The following DCAF4 variants were observed in gnomAD, a reference collection of about 807,000 sequenced individuals.
DCAF4 encodes DDB1- and CUL4-associated factor 4.
DCAF4 carries 37 observed loss-of-function variants against 60.9 expected under a neutral mutation model. The observed-to-expected ratio is 0.61, with a 90% CI of 0.47 to 0.80. DCAF4 has a LOEUF of 0.80. DCAF4 is among the 30% of genes least tolerant of loss of function. The pLI, the probability that DCAF4 is intolerant of heterozygous loss-of-function variation, is 0.00. For synonymous variants in DCAF4, 243 were observed against 254.8 expected (o/e 0.95, Z 0.44); for missense variants, 577 against 650.0 (o/e 0.89, Z 1.22).
chr14:72,940,258 T>C lies in DCAF4; in HGVS notation c.232T>C (p.Tyr78His). The C allele has an allele frequency of 1.9e-6, 3 of 1,614,100 alleles. No individual in the cohort carries two copies. Among genetic ancestry groups the C allele is most frequent in the Non-Finnish European group, 2.5e-6 (3 of 1,180,016 alleles). Residue 78 changes from tyrosine to histidine, a missense_variant, in exon 4 of 14, where the codon TAC becomes CAC. Transcript: ENST00000358377. ...TTACTTTGACCCTGAAAAGAAACGCTACTTCCGCTTGCTCCCTGGACATAA... is the reference window on the plus strand; with the variant it reads ...TTACTTTGACCCTGAAAAGAAACGCCACTTCCGCTTGCTCCCTGGACATAA... ...GFYFDPEKKR[Y>H]FRLLPGHNNC...
chr14:72,960,506 C>A (rs77972595), downstream of DCAF4: 1,816 of 504,706 alleles, frequency 3.6e-3, 26 homozygotes, highest in African/African-American at 0.035. Flanking sequence ...CTGACCTCTT[C>A]CTTCTCCCAC....
intron 1 of DCAF4, chr14:72,929,964 G>T: frequency 1.3e-6 from 1 of 775,940 alleles, no homozygotes; most frequent in Non-Finnish European, 2.1e-6. Flanking sequence ...GTGGCGGAAG[G>T]CCAAAAATAT....
At chr14:72,953,905 A>G (rs1891920763) in intron 9 of DCAF4, among the ~76,000 whole-genome samples, 1 of 149,546 alleles carries the variant, frequency 6.7e-6, no homozygotes, top group Non-Finnish European at 1.5e-5. Flanking sequence ...CTCCAACAGT[A>G]TACTACCTCC....
At chr14:72,960,581 C>T, downstream of DCAF4, 1 of 1,051,510 alleles carries the variant, frequency 9.5e-7, no homozygotes, top group Non-Finnish European at 1.2e-6. Context: ...CTTCTGTATT[C>T]TCTTTCCCAC....
In DCAF4 at chr14:72,944,069, G is replaced by A. The variant is rs563567192; in HGVS notation, c.534+973G>A. Among the ~76,000 whole-genome samples the A allele has an allele frequency of 2.0e-5, 3 of 152,276 alleles. No homozygotes were observed. The South Asian group carries it at 6.2e-4, about 32-fold the overall frequency. On this transcript the variant is annotated intron_variant, in intron 6 of 13. Coordinates refer to ENST00000358377, the MANE Select transcript of DCAF4 (RefSeq NM_015604.4). ...TCCCCTCAGCAGCCCCTTCCCTGGG[G>A]TAAAGTGGGTGGGGACGGTGGGGGT...
At chr14:72,953,732 A>AAAAAAATATATATATATATATAT (rs1555527852) in intron 9 of DCAF4, among the ~76,000 whole-genome samples, 3 of 21,766 alleles carry the variant, frequency 1.4e-4, no homozygotes, top group Non-Finnish European at 2.2e-4. Flanking sequence ...AAAAAAAAAA[A>AAAAAAATATATATATATATATAT]ATATATATAT....
intron 9 of DCAF4, among the ~76,000 whole-genome samples, chr14:72,953,724 A>ATATATAT (rs1291044005): frequency 4.0e-5 from 2 of 50,144 alleles, no homozygotes; most frequent in Non-Finnish European, 6.7e-5. Flanking sequence ...AAAAAAAAAA[A>ATATATAT]AAAAAAAAAT....
chr14:72,945,067 C>T (rs1293512683), intron 6 of DCAF4, among the ~76,000 whole-genome samples: 6 of 151,240 alleles, frequency 4.0e-5, no homozygotes, highest in Non-Finnish European at 8.8e-5. Flanking sequence ...TCAGCCTGGG[C>T]GACAGAGTAA....
At chr14:72,960,578 A>G (rs1892781645), downstream of DCAF4, 2 of 1,050,264 alleles carry the variant, frequency 1.9e-6, no homozygotes, top group Non-Finnish European at 2.3e-6. Context: ...AGTCTTCTGT[A>G]TTCTCTTTCC....
Position 72,926,560 on chromosome 14 carries a change from T to TG in DCAF4, c.-9+21dup, listed in dbSNP as rs1290851194. ...GCTGAACAGGTAAGACTGTGCTGCC[T>TG]GGGGTGCCTACTGGCATCGATTCGA... On this transcript the variant is annotated intron_variant, in intron 1 of 13. Transcript: ENST00000358377. 2.0e-5 allele frequency: 3 copies of TG among 151,090 alleles called. No individual in the cohort carries two copies. In the East Asian group the frequency reaches 5.9e-4, roughly 30 times the overall value. 9.4% of individuals were successfully genotyped at this position (151,090 alleles called of 1,614,324 possible).
At chr14:72,942,697 C>T (rs1389322744) in intron 5 of DCAF4, 1 of 314,846 alleles carries the variant, frequency 3.2e-6, no homozygotes, top group African/African-American at 2.1e-5. Context: ...CCCGCACTTT[C>T]GTCATCTCAG....
chr14:72,956,548 T>G, intron 13 of DCAF4, 48 bp downstream of exon 13: 2 of 1,539,832 alleles, frequency 1.3e-6, no homozygotes, highest in Non-Finnish European at 1.8e-6. Context: ...ATACTGTCTC[T>G]CAGGGGCGAT....
At chr14:72,929,182 G>C (rs1156902001) in intron 1 of DCAF4, among the ~76,000 whole-genome samples, 1 of 152,170 alleles carries the variant, frequency 6.6e-6, no homozygotes, top group Non-Finnish European at 1.5e-5. Context: ...GCCTGGAATG[G>C]TGCCCTGGAA....
chr14:72,940,970 T>TG (rs894921072), intron 4 of DCAF4, among the ~76,000 whole-genome samples: 12 of 21,262 alleles, frequency 5.6e-4, no homozygotes, highest in Admixed American at 3.4e-3. Flanking sequence ...AACTGTTTTT[T>TG]GGGGTTTTTT....
intron 1 of DCAF4, among the ~76,000 whole-genome samples, chr14:72,932,880 T>TTTTC (rs142782008): frequency 9.9e-5 from 15 of 151,480 alleles, no homozygotes; most frequent in East Asian, 5.8e-4. Flanking sequence ...AATAATTTTT[T>TTTTC]TTTCTTTCTT....
intron 1 of DCAF4, among the ~76,000 whole-genome samples, chr14:72,927,391 G>A (rs1201326552): frequency 7.6e-6 from 1 of 131,530 alleles, no homozygotes; most frequent in Admixed American, 9.6e-5. Flanking sequence ...TCTCGCTGTC[G>A]CCCAGGCTGG....
chr14:72,938,142 G>A (rs964925146), intron 2 of DCAF4, 72 bp downstream of exon 2: 47 of 1,513,582 alleles, frequency 3.1e-5, no homozygotes, highest in Non-Finnish European at 3.6e-5. Flanking sequence ...CATGTCACAC[G>A]ATCACAGGTG....
intron 1 of DCAF4, among the ~76,000 whole-genome samples, chr14:72,928,252 G>C (rs1390775225): frequency 7.5e-6 from 1 of 134,156 alleles, no homozygotes; most frequent in Non-Finnish European, 1.5e-5. Flanking sequence ...GGAGCACAGT[G>C]GCGCGATCTC....
In DCAF4 at chr14:72,956,412, G is replaced by A. The variant is rs544228444; in HGVS notation, c.1206G>A (p.Thr402=). Residue 402 remains threonine (T), a synonymous_variant, in exon 13 of 14, where the codon ACG becomes ACA. Coordinates refer to ENST00000358377, the MANE Select transcript of DCAF4 (RefSeq NM_015604.4). ...TCAAGCTGTGGGACCTGAGGACCACGAAGTGCGTAAGGCAGTACGAAGGCC... is the reference window on the plus strand; with the variant it reads ...TCAAGCTGTGGGACCTGAGGACCACAAAGTGCGTAAGGCAGTACGAAGGCC... ...GKIKLWDLRT[T]KCVRQYEGHV... is the part of the protein sequence containing the mutation. 1.2e-5 allele frequency: 19 copies of A among 1,612,170 alleles called. No individual in the cohort carries two copies. The highest frequency in any genetic ancestry group is 5.5e-5 in the South Asian group (5 of 90,768).
Sources: allele counts gnomAD v4.1 joint callset (sites outside exome capture counted in the v4.1 genomes callset), GRCh38; gene constraint gnomAD v4.1.1; transcripts MANE v1.5; gene names NCBI Gene and HGNC (gene_info 2026-07-23, HGNC 2026-07-21).